The following PRR5L variants were observed in gnomAD, a reference collection of about 807,000 sequenced individuals.
The protein encoded by PRR5L is proline-rich protein 5-like.
PRR5L carries 21 observed loss-of-function variants against 36.4 expected under a neutral mutation model. That is an observed-to-expected ratio of 0.58 (90% CI 0.41 to 0.83). The LOEUF is 0.83. Ranked by LOEUF, PRR5L falls within the 40% of genes least tolerant of loss-of-function variation. The pLI is 0.00. For missense variants in PRR5L, 381 were observed against 473.3 expected, an observed-to-expected ratio of 0.80 and a Z score of 1.81; for synonymous variants, 188 against 197.0, an observed-to-expected ratio of 0.95 and a Z score of 0.38.
rs548467124 is a variant in PRR5L, at chr11:36,349,141, C to T, written c.-125-51856C>T. On this transcript the variant is annotated intron_variant, in intron 1 of 8. Transcript: ENST00000530639. ...CTCTACTAAAAATACAAAAATTAGC[C>T]GGGCATGGTGGCGGGCGCCTGTAAT... Among the ~76,000 whole-genome samples the T allele has an allele frequency of 1.4e-4, 21 of 151,942 alleles. No homozygotes were observed. The East Asian group carries it at 3.3e-3, about 24-fold the overall frequency.
At chr11:36,387,086 A>C (rs892530482) in intron 1 of PRR5L, among the ~76,000 whole-genome samples, 1 of 152,040 alleles carries the variant, frequency 6.6e-6, no homozygotes, top group Non-Finnish European at 1.5e-5. Flanking sequence ...CTTTAGCAGT[A>C]CCTTGGGTGC....
intron 1 of PRR5L, among the ~76,000 whole-genome samples, chr11:36,378,256 T>C (rs2133522902): frequency 6.6e-6 from 1 of 152,318 alleles, no homozygotes; most frequent in Non-Finnish European, 1.5e-5. Context: ...TAGCCCCTGG[T>C]AAGGTTCCCA....
intron 1 of PRR5L, chr11:36,398,698 C>G (rs1190817033): frequency 6.6e-6 from 1 of 152,294 alleles, no homozygotes; most frequent in Non-Finnish European, 1.5e-5. Flanking sequence ...GTGGTTGTGG[C>G]TGCCCAGGCG....
At chr11:36,407,995 C>T (rs1344919255) in intron 3 of PRR5L, among the ~76,000 whole-genome samples, 1 of 152,144 alleles carries the variant, frequency 6.6e-6, no homozygotes, top group African/African-American at 2.4e-5. Flanking sequence ...ATCTGTCAGG[C>T]CAGGTGCGGT....
At chr11:36,300,573 GCCATA>G (rs1856364085) in intron 1 of PRR5L, among the ~76,000 whole-genome samples, 1 of 132,394 alleles carries the variant, frequency 7.6e-6, no homozygotes, top group Non-Finnish European at 1.8e-5. Flanking sequence ...GGCAGAAGGG[GCCATA>G]TCATCTCACC....
chr11:36,438,531 T>G (rs7930554), intron 6 of PRR5L, among the ~76,000 whole-genome samples: 1 of 152,084 alleles, frequency 6.6e-6, no homozygotes, highest in Non-Finnish European at 1.5e-5. Context: ...TCCAGTAAGA[T>G]AGTACAGATA....
intron 1 of PRR5L, among the ~76,000 whole-genome samples, chr11:36,312,651 C>T (rs1228919873): frequency 6.6e-6 from 1 of 152,184 alleles, no homozygotes; most frequent in African/African-American, 2.4e-5. Context: ...GGACTAGGTC[C>T]CTATTTCATC....
In PRR5L at chr11:36,462,421, G is replaced by T; in HGVS notation, c.792G>T (p.Leu264=). 1 of 1,588,386 alleles carries T rather than the reference G, an allele frequency of 6.3e-7. No homozygotes were observed. ...CGATAACCGCAGTCAGCCGGCCACT[G>T]AATGAGATGGTCTTGACCCCACTGA... ...ASPITAVSRP[L]NEMVLTPLTE... Residue 264 remains leucine (L), a synonymous_variant, in exon 9 of 9, where the codon CTG becomes CTT. Coordinates refer to ENST00000530639, the MANE Select transcript of PRR5L (RefSeq NM_001160167.2).
chr11:36,334,933 C>T (rs1465631992), intron 1 of PRR5L, among the ~76,000 whole-genome samples: 2 of 152,142 alleles, frequency 1.3e-5, no homozygotes, highest in African/African-American at 2.4e-5. Flanking sequence ...CTGCAAAACA[C>T]TTCCACTGAG....
At chr11:36,403,630 A>G (rs1564938017) in intron 3 of PRR5L, among the ~76,000 whole-genome samples, 1 of 152,212 alleles carries the variant, frequency 6.6e-6, no homozygotes, top group Non-Finnish European at 1.5e-5. Flanking sequence ...GAGAGTTGAT[A>G]GATGGCAGCT....
chr11:36,437,482 T>G lies in PRR5L; in HGVS notation c.444+6T>G, dbSNP rs746989286. On this transcript the variant is annotated splice_donor_region_variant and intron_variant, in intron 6 of 8. Coordinates refer to ENST00000530639, the MANE Select transcript of PRR5L (RefSeq NM_001160167.2). The stretch of plus-strand genomic sequence containing the variant: ...CAATATTTTATCCAGTTCAGGTTAG[T>G]CTCATTGGGGAACACTTCCTGCCAT... 6.4e-7 allele frequency: 1 copy of G among 1,550,500 alleles called. No individual in the cohort carries two copies. The highest frequency in any genetic ancestry group is 8.9e-7 in the Non-Finnish European group (1 of 1,125,002).
rs1316905039 is a variant in PRR5L, at chr11:36,403,287, T to A, written c.165-11T>A. 1 of 1,613,104 alleles carries A rather than the reference T, an allele frequency of 6.2e-7. No individual in the cohort carries two copies. The highest frequency in any genetic ancestry group is 1.1e-5 in the South Asian group (1 of 91,046). ...GATTCTCTAACCAGGGGTTATTCTC[T>A]TTTCCTGTAGCGTTCAGACTGCTGT... On this transcript the variant is annotated splice_polypyrimidine_tract_variant and intron_variant, in intron 2 of 8. Transcript: ENST00000530639.
intron 4 of PRR5L, among the ~76,000 whole-genome samples, chr11:36,430,509 A>G (rs1858471581): frequency 6.6e-6 from 1 of 152,220 alleles, no homozygotes; most frequent in Non-Finnish European, 1.5e-5. Context: ...TGTATCCATC[A>G]CAGAAATGGG....
intron 1 of PRR5L, among the ~76,000 whole-genome samples, chr11:36,333,574 G>A (rs553861994): frequency 6.6e-6 from 1 of 152,324 alleles, no homozygotes; most frequent in South Asian, 2.1e-4. Flanking sequence ...TTATAGAACA[G>A]CATGGATTAA....
Position 36,418,188 on chromosome 11 carries a change from G to A in PRR5L, c.246-1067G>A, listed in dbSNP as rs189085225. ...TTTGAACTCCTTGTGCTAGAACAAC[G>A]TGTAACACATAAAGAGCTGCTCAAT... On this transcript the variant is annotated intron_variant, in intron 3 of 8. Transcript: ENST00000530639. Among the ~76,000 whole-genome samples the A allele has an allele frequency of 3.9e-5, 6 of 152,262 alleles. No individual in the cohort carries two copies. The East Asian group carries it at 7.7e-4, about 20-fold the overall frequency.
intron 1 of PRR5L, among the ~76,000 whole-genome samples, chr11:36,322,851 A>G (rs1856626231): frequency 6.6e-6 from 1 of 152,180 alleles, no homozygotes. Context: ...TTATAAAAAG[A>G]GAAGAGGCAC....
rs1857304163 is a variant in PRR5L at position 36,377,893 on chromosome 11, C to T, written c.-125-23104C>T. On this transcript the variant is annotated intron_variant, in intron 1 of 8. Coordinates refer to ENST00000530639, the MANE Select transcript of PRR5L (RefSeq NM_001160167.2). This position sits in a 1 kb window ranked among gnomAD's most constrained non-coding sequence, Gnocchi z 5.1. ...GAATCTCCGGGCTTCCCTGCTTGGG[C>T]AGAATTCTGGACCTGTTGCCCAGAC... Among the ~76,000 whole-genome samples, 1 of 152,186 alleles carries T rather than the reference C, an allele frequency of 6.6e-6. No homozygotes were observed. The highest frequency in any genetic ancestry group is 2.1e-4 in the South Asian group (1 of 4,828).
chr11:36,451,740 A>G (rs911387736), intron 8 of PRR5L, among the ~76,000 whole-genome samples: 1 of 152,214 alleles, frequency 6.6e-6, no homozygotes, highest in African/African-American at 2.4e-5. Context: ...CTTTGAAACC[A>G]ACTGGAAATG....
Position 36,405,208 on chromosome 11 carries a change from C to T in PRR5L, c.245+1830C>T, listed in dbSNP as rs574322885. On this transcript the variant is annotated intron_variant, in intron 3 of 8. Coordinates refer to ENST00000530639, the MANE Select transcript of PRR5L (RefSeq NM_001160167.2). ...AGGTCTTCTGAATGGGTGAAGCTGGCGTGGATGCCTGGCAGTGAGATCGTG... is the reference window on the plus strand; with the variant it reads ...AGGTCTTCTGAATGGGTGAAGCTGGTGTGGATGCCTGGCAGTGAGATCGTG... Among the ~76,000 whole-genome samples, 17 of 152,226 alleles carry T rather than the reference C, an allele frequency of 1.1e-4. No individual in the cohort carries two copies. The East Asian group carries it at 1.2e-3, about 10-fold the overall frequency.
Sources: allele counts gnomAD v4.1 joint callset (sites outside exome capture counted in the v4.1 genomes callset), GRCh38; gene constraint gnomAD v4.1.1; non-coding constraint Gnocchi (gnomAD v3.1); transcripts MANE v1.5; gene names NCBI Gene and HGNC (gene_info 2026-07-23, HGNC 2026-07-21).